Variants in MALL observed in about 807,000 individuals in gnomAD.
MALL encodes MAL-like protein.
A neutral mutation model predicts 10.3 loss-of-function variants in MALL; 2 were observed. The observed-to-expected ratio is 0.19, with a 90% CI of 0.08 to 0.61. The LOEUF is 0.61. MALL is among the 20% of genes least tolerant of loss of function. The pLI is 0.88. For synonymous variants in MALL, 27 were observed against 51.8 expected (o/e 0.52, Z 2.05); for missense variants, 39 against 115.2 (o/e 0.34, Z 3.03).
At chr2:110,112,109 A>C (rs1482757459) in intron 1 of MALL, among the ~76,000 whole-genome samples, 1 of 152,220 alleles carries the variant, frequency 6.6e-6, no homozygotes, top group African/African-American at 2.4e-5. Context: ...CTTAAACTTA[A>C]GACCTGAAAT....
intron 1 of MALL, chr2:110,097,448 G>T: frequency 2.2e-6 from 1 of 456,366 alleles, no homozygotes; most frequent in Non-Finnish European, 4.4e-6. Flanking sequence ...GGAGAATTCT[G>T]AATGGGAAGA....
intron 1 of MALL, among the ~76,000 whole-genome samples, chr2:110,110,828 T>C (rs1468601635): frequency 1.3e-5 from 2 of 152,088 alleles, no homozygotes; most frequent in Admixed American, 1.3e-4. Flanking sequence ...AACAAAATAC[T>C]AGCTAACTGA....
intron 1 of MALL, among the ~76,000 whole-genome samples, chr2:110,092,827 C>T (rs1315841615): frequency 1.3e-4 from 12 of 91,144 alleles, no homozygotes; most frequent in African/African-American, 3.7e-4. Flanking sequence ...GGAGTGCAAC[C>T]TTTAGTAGTC....
At chr2:110,110,103 C>G (rs1574036924) in intron 1 of MALL, among the ~76,000 whole-genome samples, 1 of 151,922 alleles carries the variant, frequency 6.6e-6, no homozygotes, top group African/African-American at 2.4e-5. Flanking sequence ...CCCTAAACAC[C>G]TACATCAAAA....
At position 110,094,966 on chromosome 2, in the gene MALL, G is replaced by A. The variant is rs201113311; in HGVS notation, c.106-3196C>T. Reference sequence around the variant, plus strand: ...TGAGCATTTGGGAATCTGCTCAAACGTCATGGGAACCTTCCTGCAATGGCT... The same window carrying A: ...TGAGCATTTGGGAATCTGCTCAAACATCATGGGAACCTTCCTGCAATGGCT... On this transcript the variant is annotated intron_variant, in intron 1 of 3. Coordinates refer to ENST00000272462, the MANE Select transcript of MALL (RefSeq NM_005434.5). 5.5e-4 allele frequency among the ~76,000 whole-genome samples: 67 copies of A among 120,872 alleles called. 1 individual carries two copies. The South Asian group carries it at 0.014, about 26-fold the overall frequency. 79.3% of individuals were successfully genotyped at this position (120,872 alleles called of 152,430 possible). A position where few individuals can be genotyped will look rare whatever the true frequency, so the allele number is the denominator to read the frequency against.
intron 1 of MALL, among the ~76,000 whole-genome samples, chr2:110,100,534 C>T (rs986697304): frequency 6.6e-6 from 1 of 151,914 alleles, no homozygotes; most frequent in Non-Finnish European, 1.5e-5. Context: ...GTTTTGTGTA[C>T]AGGAAAGGGA....
intron 1 of MALL, among the ~76,000 whole-genome samples, chr2:110,096,873 T>C (rs1678451804): frequency 1.5e-5 from 2 of 136,366 alleles, no homozygotes; most frequent in South Asian, 5.8e-4. Flanking sequence ...GCAATATTGA[T>C]CAAAACATTA....
rs1451756646 is a variant in MALL, at chr2:110,115,782, G to A, written c.11C>T (p.Pro4Leu). 7.9e-6 allele frequency: 10 copies of A among 1,270,132 alleles called. No individual in the cohort carries two copies. Among genetic ancestry groups the A allele is most frequent in the African/African-American group, 1.5e-5 (1 of 65,280 alleles). 78.7% of individuals were successfully genotyped at this position (1,270,132 alleles called of 1,614,324 possible). The change falls in exon 1 of 4, where the codon CCC becomes CTC. Residue 4 changes from proline to leucine, a missense_variant. Physicochemically the swap from Pro to Leu is moderately conservative, Grantham distance 98. Coordinates refer to ENST00000272462, the MANE Select transcript of MALL (RefSeq NM_005434.5). MAS[P>L]DPPATSYAPS... ...GGCGTAGCTGGTGGCGGGCGGGTCG[G>A]GCGAGGCCATGCTGTCAGCCCCTGC...
chr2:110,104,333 G>T (rs1305481142), intron 1 of MALL, among the ~76,000 whole-genome samples: 1 of 152,154 alleles, frequency 6.6e-6, no homozygotes, highest in Non-Finnish European at 1.5e-5. Flanking sequence ...TCTGTGTGAA[G>T]CACCTATCAT....
chr2:110,115,405 T>C (rs1243411777), intron 1 of MALL, among the ~76,000 whole-genome samples: 2 of 151,802 alleles, frequency 1.3e-5, no homozygotes, highest in Non-Finnish European at 1.5e-5. Context: ...ATCTGCCTCT[T>C]GAGTACAGCT....
At chr2:110,112,639 T>C (rs1349513897) in intron 1 of MALL, among the ~76,000 whole-genome samples, 1 of 152,052 alleles carries the variant, frequency 6.6e-6, no homozygotes, top group Non-Finnish European at 1.5e-5. Flanking sequence ...CTGGTGGGAA[T>C]GTAAACTAGT....
chr2:110,099,910 T>C (rs919433795), intron 1 of MALL, among the ~76,000 whole-genome samples: 1 of 152,062 alleles, frequency 6.6e-6, no homozygotes, highest in Non-Finnish European at 1.5e-5. Flanking sequence ...ATTTCCCTTC[T>C]GTTAAGGCCA....
chr2:110,100,378 G>A (rs866233387), intron 1 of MALL, among the ~76,000 whole-genome samples: 1 of 151,978 alleles, frequency 6.6e-6, no homozygotes, highest in Admixed American at 6.6e-5. Flanking sequence ...GGCTGAGTGC[G>A]GGGAGGATCC....
intron 1 of MALL, among the ~76,000 whole-genome samples, chr2:110,113,435 CAAAAAAA>C (rs58360665): frequency 3.1e-5 from 1 of 31,810 alleles, no homozygotes; most frequent in Non-Finnish European, 6.9e-5. Context: ...GACTCTGTCT[CAAAAAAA>C]AAAAAAAAAA....
chr2:110,113,676 A>T (rs1033240748), intron 1 of MALL, among the ~76,000 whole-genome samples: 2 of 152,122 alleles, frequency 1.3e-5, no homozygotes, highest in Admixed American at 6.5e-5. Context: ...ATTAAAGGAG[A>T]TGAAGGAGAT....
intron 1 of MALL, among the ~76,000 whole-genome samples, chr2:110,111,564 C>G (rs901195100): frequency 6.6e-6 from 1 of 152,070 alleles, no homozygotes; most frequent in East Asian, 1.9e-4. Flanking sequence ...CTATAAAACA[C>G]TGCTGAAAGA....
chr2:110,118,132 T>C (rs116553869), upstream of MALL, among the ~76,000 whole-genome samples: 1,166 of 152,154 alleles, frequency 7.7e-3, 12 homozygotes, highest in Non-Finnish European at 0.012. Context: ...GGGCTGTTAA[T>C]TGCATTTCAT....
intron 1 of MALL, among the ~76,000 whole-genome samples, chr2:110,113,175 C>T (rs1422849131): frequency 2.0e-5 from 3 of 151,480 alleles, no homozygotes; most frequent in Non-Finnish European, 4.4e-5. Context: ...CGGTGGCTCA[C>T]GCCTGTAATC....
chr2:110,117,616 TGTGTGTGTGAGA>T (rs1346315733), upstream of MALL, among the ~76,000 whole-genome samples: 7 of 134,624 alleles, frequency 5.2e-5, no homozygotes, highest in South Asian at 7.3e-4. Context: ...TGTGTGTGTG[TGTGTGTGTGAGA>T]GAGAGAGAGA....
Sources: allele counts gnomAD v4.1 joint callset (sites outside exome capture counted in the v4.1 genomes callset), GRCh38; gene constraint gnomAD v4.1.1; transcripts MANE v1.5; gene names NCBI Gene and HGNC (gene_info 2026-07-23, HGNC 2026-07-21).